Variants in EIF3A observed in about 807,000 individuals in gnomAD.
The protein encoded by EIF3A is EIF3, p180 subunit.
In EIF3A, 21 loss-of-function variants were observed where a neutral mutation model predicts 186.6. That is an observed-to-expected ratio of 0.11 (90% CI 0.08 to 0.16). The LOEUF is 0.16. Ranked by LOEUF, EIF3A falls within the 10% of genes least tolerant of loss-of-function variation. EIF3A has a pLI of 1.00. For missense variants in EIF3A, 1,306 were observed against 1,796.3 expected (o/e 0.73, Z 4.93); for synonymous variants, 563 against 584.3 (o/e 0.96, Z 0.52).
intron 12 of EIF3A, 69 bp downstream of exon 12, chr10:119,057,887 G>A (rs1843814878): frequency 8.1e-7 from 1 of 1,235,630 alleles, no homozygotes; most frequent in Admixed American, 2.1e-5. Flanking sequence ...AAATGGTAAA[G>A]GACTGTGGTT....
intron 19 of EIF3A, among the ~76,000 whole-genome samples, chr10:119,041,487 C>T (rs563569620): frequency 2.0e-5 from 3 of 152,022 alleles, no homozygotes; most frequent in South Asian, 2.1e-4. Flanking sequence ...TGGGAGGCTC[C>T]CTAGGGTCCG....
chr10:119,080,807 A>G lies in EIF3A; in HGVS notation c.-131T>C. The G allele has an allele frequency of 7.0e-7, 1 of 1,422,618 alleles. No individual in the cohort carries two copies. Among genetic ancestry groups the G allele is most frequent in the African/African-American group, 1.5e-5 (1 of 66,602 alleles). The allele number at this position is 1,422,618 out of a possible 1,614,324, so 88.1% of individuals were successfully genotyped here. A position where few individuals can be genotyped will look rare whatever the true frequency, so the allele number is the denominator to read the frequency against. On this transcript the variant is annotated 5_prime_UTR_variant, in exon 1 of 22. Coordinates refer to ENST00000369144, the MANE Select transcript of EIF3A (RefSeq NM_003750.4). ...CAGTCGCCCGCGCCCAGCCGGCCAG[A>G]GACGGAAAGGAAGGAGCCACGTGAC... is the stretch of plus-strand genomic sequence containing the variant.
At chr10:119,080,242 C>T in intron 1 of EIF3A, 3 of 914,190 alleles carry the variant, frequency 3.3e-6, no homozygotes, top group Non-Finnish European at 3.9e-6. Context: ...CCCCGGCACT[C>T]CCAGATGGCG....
At chr10:119,074,003 T>C (rs1844118004) in intron 1 of EIF3A, 66 bp from the exon 2 acceptor site, 1 of 1,327,626 alleles carries the variant, frequency 7.5e-7, no homozygotes, top group Non-Finnish European at 9.9e-7. Context: ...TTTACCTTTT[T>C]AAACAGCTAT....
At chr10:119,074,934 AAAAAAAAG>A (rs1445429482) in intron 1 of EIF3A, among the ~76,000 whole-genome samples, 5 of 146,672 alleles carry the variant, frequency 3.4e-5, no homozygotes, top group East Asian at 2.0e-4. Context: ...AAAAAAAAAA[AAAAAAAAG>A]GGAAAAAAAT....
At chr10:119,070,149 A>C (rs982886531) in intron 5 of EIF3A, among the ~76,000 whole-genome samples, 2 of 152,112 alleles carry the variant, frequency 1.3e-5, no homozygotes, top group African/African-American at 4.8e-5. Flanking sequence ...AAAGACTCCC[A>C]ATTTTTAGTT....
chr10:119,074,517 T>A (rs1047950576), intron 1 of EIF3A, among the ~76,000 whole-genome samples: 9 of 152,024 alleles, frequency 5.9e-5, no homozygotes, highest in African/African-American at 2.2e-4. Flanking sequence ...TCATTAGTTG[T>A]TACCAATAAA....
chr10:119,065,932 C>T (rs576601785), intron 6 of EIF3A, among the ~76,000 whole-genome samples: 147 of 151,886 alleles, frequency 9.7e-4, no homozygotes, highest in Middle Eastern at 3.4e-3. Context: ...CTGGCTAACA[C>T]GGTGAAACCC....
intron 4 of EIF3A, 149 bp from the exon 5 acceptor site, chr10:119,071,234 A>G (rs1037194441): frequency 1.4e-5 from 9 of 650,914 alleles, no homozygotes; most frequent in Non-Finnish European, 2.4e-5. Flanking sequence ...GAATCAACTT[A>G]TTTCATCCAG....
intron 1 of EIF3A, among the ~76,000 whole-genome samples, chr10:119,080,195 C>G (rs963930112): frequency 6.6e-6 from 1 of 152,148 alleles, no homozygotes; most frequent in Non-Finnish European, 1.5e-5. Flanking sequence ...GAGGCTCTCG[C>G]GTGCATTGTC....
At position 119,080,635 on chromosome 10, in the gene EIF3A, G is replaced by T; in HGVS notation, c.42C>A (p.Arg14=). ...CCCCGATCAGCTACTCACCGTTGGC[G>T]CGTTTGAGGGCATTTTCCGGCCTCT... The part of the protein sequence containing the change: ...YFQRPENALK[R]ANEFLEVGKK... The change falls in exon 1 of 22, where the codon CGC becomes CGA. Residue 14 remains arginine, a synonymous_variant. Transcript: ENST00000369144. 6.3e-7 allele frequency: 1 copy of T among 1,594,576 alleles called. No individual in the cohort carries two copies. Among genetic ancestry groups the T allele is most frequent in the Non-Finnish European group, 8.5e-7 (1 of 1,172,084 alleles).
At position 119,060,833 on chromosome 10, in the gene EIF3A, C is replaced by G. The variant is rs755496726; in HGVS notation, c.1239G>C (p.Trp413Cys). ...LCERVTKVLN[W>C]VREQPEKEPE... The stretch of plus-strand genomic sequence containing the variant: ...GTTCCTTTTCAGGTTGTTCCCTAAC[C>G]CAATTTAGAACCTATAAAATCCATT... The change falls in exon 9 of 22, where the codon TGG becomes TGC. Residue 413 changes from tryptophan (W) to cysteine (C), a missense_variant. Around this residue, in one of 8 missense-constraint regions of EIF3A, gnomAD observed 267 missense variants for 367.8 expected, o/e 0.73. Coordinates refer to ENST00000369144, the MANE Select transcript of EIF3A (RefSeq NM_003750.4). The G allele has an allele frequency of 6.6e-5, 106 of 1,607,772 alleles. No homozygotes were observed. Among genetic ancestry groups the G allele is most frequent in the Non-Finnish European group, 8.1e-5 (95 of 1,176,936 alleles).
rs1848108773 is a variant in EIF3A at position 119,034,982 on chromosome 10, C to T, written c.*1057G>A. 6.6e-6 allele frequency: 1 copy of T among 152,608 alleles called. No individual in the cohort carries two copies. The highest frequency in any genetic ancestry group is 2.4e-5 in the African/African-American group (1 of 41,440). 9.5% of individuals were successfully genotyped at this position (152,608 alleles called of 1,614,324 possible). A position where few individuals can be genotyped will look rare whatever the true frequency, so the allele number is the denominator to read the frequency against. ...AAAAATTCAAGTAAAAAAAACTCAA[C>T]TGAATATGCAAACTTACCATTATAA... is the stretch of plus-strand genomic sequence containing the variant. On this transcript the variant is annotated 3_prime_UTR_variant, in exon 22 of 22. Coordinates refer to ENST00000369144, the MANE Select transcript of EIF3A (RefSeq NM_003750.4).
At chr10:119,078,296 C>T (rs1844207773) in intron 1 of EIF3A, among the ~76,000 whole-genome samples, 1 of 152,174 alleles carries the variant, frequency 6.6e-6, no homozygotes, top group Admixed American at 6.5e-5. Context: ...AACTGCTGGT[C>T]CAAGTTCTCA....
chr10:119,049,878 T>G lies in EIF3A; in HGVS notation c.2581A>C (p.Arg861=), dbSNP rs760635732. The change falls in exon 17 of 22, where the codon AGG becomes CGG. Residue 861 remains arginine, a synonymous_variant. Transcript: ENST00000369144. ...TCTCGTTCTTCAATTTCCAACTCCC[T>G]TTGGCGTTTTTTCCTTTCCACTTCT... ...LEEVERKKRQ[R]ELEIEERERR... is the part of the protein sequence containing the mutation. 3.7e-6 allele frequency: 6 copies of G among 1,614,068 alleles called. No individual in the cohort carries two copies. The highest frequency in any genetic ancestry group is 1.1e-5 in the South Asian group (1 of 91,088).
At chr10:119,047,140 C>T (rs1272681483) in intron 17 of EIF3A, among the ~76,000 whole-genome samples, 8 of 151,634 alleles carry the variant, frequency 5.3e-5, no homozygotes, top group East Asian at 3.9e-4. Context: ...TGGTGGCACA[C>T]GCCAGTAATC....
chr10:119,075,711 CTTTT>C (rs58392465), intron 1 of EIF3A, among the ~76,000 whole-genome samples: 12 of 65,290 alleles, frequency 1.8e-4, no homozygotes, highest in South Asian at 7.3e-4. Context: ...TGGAAAAAGA[CTTTT>C]TTTTTTTTTT....
rs368500482 is a variant in EIF3A, at chr10:119,050,588, G to C, written c.2406C>G (p.Arg802=). 1.6e-5 allele frequency: 26 copies of C among 1,613,722 alleles called. No individual in the cohort carries two copies. The highest frequency in any genetic ancestry group is 2.2e-5 in the Non-Finnish European group (26 of 1,179,916). ...CTTTTTCTCTATAGTATGTTATCCT[G>C]CGTTCTTCTTTACGCTGCCTTTTCC... ...EERKRQRKEE[R]RITYYREKEE... is the part of the protein sequence containing the mutation. Residue 802 remains arginine (R), a synonymous_variant, in exon 16 of 22, where the codon CGC becomes CGG. Transcript: ENST00000369144.
chr10:119,036,304 G>C, intron 21 of EIF3A, 36 bp from the exon 22 acceptor site: 6 of 1,398,622 alleles, frequency 4.3e-6, no homozygotes, highest in Non-Finnish European at 5.0e-6. Flanking sequence ...AATTAAGTTA[G>C]TACTATATTC....
Sources: gnomAD v4.1 joint callset for allele counts (sites outside exome capture counted in the v4.1 genomes callset) on GRCh38, gnomAD v4.1.1 for gene constraint, gnomAD v4.1.1 regional missense constraint, MANE v1.5 for transcripts, NCBI Gene and HGNC (gene_info 2026-07-23, HGNC 2026-07-21) for gene names.